Variants in EPCIP observed in about 807,000 individuals in gnomAD.
EPCIP encodes exosomal polycystin 1 interacting protein, also known as exosomal polycystin-1-interacting protein.
At chr21:32,799,853 A>G in the EPCIP span, among the ~76,000 whole-genome samples, 4 of 152,178 alleles carry the variant, frequency 2.6e-5, no homozygotes, top group African/African-American at 9.7e-5. Context: ...GAGGCACGAG[A>G]ATTCCTTGAA....
At chr21:32,792,946 C>T in the EPCIP span, among the ~76,000 whole-genome samples, 1 of 149,482 alleles carries the variant, frequency 6.7e-6, no homozygotes, top group Non-Finnish European at 1.5e-5. Flanking sequence ...GAGTTTCGCT[C>T]TTGTTGCCCA....
the EPCIP span, among the ~76,000 whole-genome samples, chr21:32,804,354 C>T: frequency 6.6e-6 from 1 of 150,598 alleles, no homozygotes; most frequent in African/African-American, 2.4e-5. Flanking sequence ...CTATGTCATC[C>T]AGGCTGGTCT....
At chr21:32,811,456 C>T in the EPCIP span, among the ~76,000 whole-genome samples, 1 of 152,086 alleles carries the variant, frequency 6.6e-6, no homozygotes, top group Non-Finnish European at 1.5e-5. Flanking sequence ...GGAAATGATA[C>T]ATGGGTACTC....
chr21:32,795,013 A>G, the EPCIP span, among the ~76,000 whole-genome samples: 7 of 152,206 alleles, frequency 4.6e-5, no homozygotes, highest in African/African-American at 1.7e-4. Context: ...ATGAATACCA[A>G]TGAAGCATTT....
the EPCIP span, chr21:32,793,657 A>T: frequency 1.0e-6 from 1 of 1,001,966 alleles, no homozygotes; most frequent in South Asian, 1.3e-5. Flanking sequence ...GGAGAGAGGC[A>T]CAGTTGTGGG....
the EPCIP span, chr21:32,798,225 C>T: frequency 0.7 from 106,569 of 152,144 alleles, 38,569 homozygotes; most frequent in East Asian, 0.91. Context: ...CCCAGCTACT[C>T]GGGAGGCTGA....
chr21:32,794,454 C>G, the EPCIP span: 1 of 1,586,120 alleles, frequency 6.3e-7, no homozygotes, highest in Non-Finnish European at 8.6e-7. Flanking sequence ...TGTTTATCCC[C>G]CCTCTTTTTG....
chr21:32,802,489 G>A, the EPCIP span, among the ~76,000 whole-genome samples: 1 of 152,208 alleles, frequency 6.6e-6, no homozygotes, highest in South Asian at 2.1e-4. Context: ...TAGGTTGCCA[G>A]GGAGAGACTG....
At chr21:32,805,799 A>G in the EPCIP span, among the ~76,000 whole-genome samples, 2 of 152,122 alleles carry the variant, frequency 1.3e-5, no homozygotes, top group Non-Finnish European at 2.9e-5. Context: ...TGCTAATTAC[A>G]TTATGTGGTT....
the EPCIP span, chr21:32,790,866 A>C: frequency 6.6e-6 from 1 of 152,224 alleles, no homozygotes; most frequent in African/African-American, 2.4e-5. Flanking sequence ...GACCCACATG[A>C]TATTATTTAA....
chr21:32,805,014 T>C, the EPCIP span, among the ~76,000 whole-genome samples: 1 of 152,210 alleles, frequency 6.6e-6, no homozygotes, highest in Non-Finnish European at 1.5e-5. Flanking sequence ...TTACCTTACA[T>C]GGCCATAAGG....
At chr21:32,813,104 C>T in the EPCIP span, among the ~76,000 whole-genome samples, 154 of 152,064 alleles carry the variant, frequency 1.0e-3, 2 homozygotes, top group Non-Finnish European at 1.9e-3. Flanking sequence ...CAGTATCAGC[C>T]GGTGTTTTGG....
the EPCIP span, among the ~76,000 whole-genome samples, chr21:32,804,271 G>A: frequency 2.2e-4 from 19 of 85,038 alleles, no homozygotes; most frequent in East Asian, 3.5e-3. Context: ...GTAGATGCAT[G>A]TGATTATATA....
chr21:32,793,656 C>T, the EPCIP span: 181 of 992,514 alleles, frequency 1.8e-4, no homozygotes, highest in African/African-American at 2.6e-3. Context: ...CGGAGAGAGG[C>T]ACAGTTGTGG....
the EPCIP span, among the ~76,000 whole-genome samples, chr21:32,802,603 C>T: frequency 6.6e-6 from 1 of 152,196 alleles, no homozygotes; most frequent in Admixed American, 6.5e-5. Context: ...CCTTCTAACT[C>T]CAGGCTCTTT....
chr21:32,799,691 C>G, the EPCIP span, among the ~76,000 whole-genome samples: 2 of 152,194 alleles, frequency 1.3e-5, no homozygotes, highest in African/African-American at 4.8e-5. Context: ...CCTGTAATCC[C>G]AGCAGTTTGG....
chr21:32,804,102 C>A, the EPCIP span, among the ~76,000 whole-genome samples: 1 of 151,950 alleles, frequency 6.6e-6, no homozygotes, highest in African/African-American at 2.4e-5. Flanking sequence ...TTCAAGTATG[C>A]AATTTGGGTT....
At chr21:32,812,911 A>G in the EPCIP span, among the ~76,000 whole-genome samples, 1 of 152,158 alleles carries the variant, frequency 6.6e-6, no homozygotes, top group Admixed American at 6.5e-5. Context: ...ATTATTTATC[A>G]TGCTTTTTCA....
chr21:32,795,721 T>C, the EPCIP span, among the ~76,000 whole-genome samples: 1 of 151,992 alleles, frequency 6.6e-6, no homozygotes, highest in Non-Finnish European at 1.5e-5. Flanking sequence ...AAGCAGCAAT[T>C]AGGGTGTAAG....
Sources: allele counts gnomAD v4.1 joint callset (sites outside exome capture counted in the v4.1 genomes callset), GRCh38; gene constraint gnomAD v4.1.1; transcripts MANE v1.5; gene names NCBI Gene and HGNC (gene_info 2026-07-23, HGNC 2026-07-21).